Variants in ANKRD31 observed in about 807,000 individuals in gnomAD.
ANKRD31 encodes the protein ankyrin repeat domain 31.
ANKRD31 carries 147 observed loss-of-function variants against 186.0 expected under a neutral mutation model. That is an observed-to-expected ratio of 0.79 (90% CI 0.69 to 0.91). ANKRD31 has a LOEUF of 0.91. ANKRD31 is among the 40% of genes least tolerant of loss of function. ANKRD31 has a pLI of 0.00. For synonymous variants in ANKRD31, 673 were observed against 736.4 expected (o/e 0.91, Z 1.39); for missense variants, 1,986 against 2,148.8 (o/e 0.92, Z 1.50).
chr5:75,135,484 G>A (rs1368096263), intron 17 of ANKRD31, among the ~76,000 whole-genome samples: 4 of 152,226 alleles, frequency 2.6e-5, no homozygotes, highest in African/African-American at 9.6e-5. Context: ...TCTTCAAGGA[G>A]AACTACAAAC....
chr5:75,150,821 C>T (rs981424698), intron 12 of ANKRD31, among the ~76,000 whole-genome samples: 4 of 151,940 alleles, frequency 2.6e-5, no homozygotes, highest in Non-Finnish European at 5.9e-5. Flanking sequence ...TAAAAATATA[C>T]TTTTGCCTCC....
intron 17 of ANKRD31, among the ~76,000 whole-genome samples, chr5:75,126,112 C>A (rs373959148): frequency 6.6e-6 from 1 of 152,102 alleles, no homozygotes; most frequent in Non-Finnish European, 1.5e-5. Flanking sequence ...TGTGTCTGGT[C>A]TCTTTGACTT....
chr5:75,105,551 T>C (rs990051620), intron 21 of ANKRD31, among the ~76,000 whole-genome samples: 6 of 152,274 alleles, frequency 3.9e-5, no homozygotes, highest in African/African-American at 1.4e-4. Flanking sequence ...ACTTGGATCA[T>C]CTATCTAAAC....
intron 18 of ANKRD31, among the ~76,000 whole-genome samples, chr5:75,117,087 T>G (rs1478853344): frequency 6.6e-6 from 1 of 152,182 alleles, no homozygotes; most frequent in Non-Finnish European, 1.5e-5. Flanking sequence ...CTCTGTAAAG[T>G]TCTCTTGGAC....
intron 1 of ANKRD31, among the ~76,000 whole-genome samples, chr5:75,232,752 C>T (rs1446019722): frequency 1.3e-5 from 2 of 151,942 alleles, no homozygotes. Context: ...ATATGCCACC[C>T]CAAAATAAGC....
chr5:75,097,176 G>C (rs1024353775), intron 22 of ANKRD31, among the ~76,000 whole-genome samples: 5 of 152,202 alleles, frequency 3.3e-5, no homozygotes, highest in African/African-American at 1.2e-4. Flanking sequence ...CATATACCCA[G>C]TAATGGGATG....
At chr5:75,204,076 T>C (rs922210460) in intron 5 of ANKRD31, among the ~76,000 whole-genome samples, 14 of 152,198 alleles carry the variant, frequency 9.2e-5, no homozygotes, top group Admixed American at 8.5e-4. Context: ...CATGAAAACT[T>C]GAAAATTACT....
At chr5:75,210,654 G>T (rs1462625799) in intron 4 of ANKRD31, among the ~76,000 whole-genome samples, 174 bp downstream of exon 4, 3 of 151,992 alleles carry the variant, frequency 2.0e-5, no homozygotes, top group Admixed American at 2.0e-4. Flanking sequence ...TGCTTCTTAT[G>T]AAATAAAACT....
At chr5:75,178,983 C>A (rs571807864) in intron 10 of ANKRD31, among the ~76,000 whole-genome samples, 1 of 152,256 alleles carries the variant, frequency 6.6e-6, no homozygotes, top group South Asian at 2.1e-4. Context: ...TGATAGACCT[C>A]TGGCAAGACT....
chr5:75,154,809 G>A (rs1218939729), intron 11 of ANKRD31, among the ~76,000 whole-genome samples: 4 of 151,994 alleles, frequency 2.6e-5, no homozygotes, highest in South Asian at 2.1e-4. Flanking sequence ...TATGTCTTCC[G>A]TCTATACCTG....
intron 2 of ANKRD31, among the ~76,000 whole-genome samples, chr5:75,223,825 T>A (rs1190171826): frequency 6.6e-6 from 1 of 151,948 alleles, no homozygotes; most frequent in African/African-American, 2.4e-5. Context: ...TCATAATCCC[T>A]CCTGAGATTA....
intron 9 of ANKRD31, among the ~76,000 whole-genome samples, chr5:75,191,726 G>A (rs1339688672): frequency 6.6e-6 from 1 of 151,892 alleles, no homozygotes; most frequent in African/African-American, 2.4e-5. Context: ...ACATCTCACA[G>A]TAGAATTTTT....
intron 20 of ANKRD31, among the ~76,000 whole-genome samples, chr5:75,108,693 G>C (rs1487168013): frequency 1.3e-5 from 2 of 152,094 alleles, no homozygotes; most frequent in African/African-American, 4.8e-5. Context: ...TATTGAGTCA[G>C]TGTCCTCAGA....
intron 22 of ANKRD31, among the ~76,000 whole-genome samples, chr5:75,091,902 A>G (rs1001308806): frequency 1.3e-5 from 2 of 152,174 alleles, no homozygotes; most frequent in African/African-American, 2.4e-5. Context: ...ACCACGGAGA[A>G]TGCTGGGATC....
intron 20 of ANKRD31, among the ~76,000 whole-genome samples, chr5:75,108,744 T>C (rs1747534953): frequency 6.6e-6 from 1 of 152,128 alleles, no homozygotes; most frequent in African/African-American, 2.4e-5. Context: ...AGGATTAGTT[T>C]CACGACATGA....
At chr5:75,172,714 A>C (rs1293562397) in intron 10 of ANKRD31, among the ~76,000 whole-genome samples, 1 of 152,210 alleles carries the variant, frequency 6.6e-6, no homozygotes, top group East Asian at 1.9e-4. Context: ...TGAATAGACC[A>C]ATAACAGGCT....
chr5:75,201,905 A>G (rs1755847057), intron 5 of ANKRD31, among the ~76,000 whole-genome samples: 1 of 152,202 alleles, frequency 6.6e-6, no homozygotes, highest in African/African-American at 2.4e-5. Flanking sequence ...CCTTATCATC[A>G]TAACCCAGCG....
chr5:75,232,956 C>T (rs1472191970), intron 1 of ANKRD31, among the ~76,000 whole-genome samples: 2 of 152,172 alleles, frequency 1.3e-5, no homozygotes, highest in Admixed American at 6.5e-5. Flanking sequence ...TTCTTGTCTT[C>T]CTTTAGCCTC....
chr5:75,159,695 T>C (rs899856284), intron 11 of ANKRD31, among the ~76,000 whole-genome samples: 2 of 149,682 alleles, frequency 1.3e-5, no homozygotes, highest in Non-Finnish European at 3.0e-5. Flanking sequence ...ATAGAATTTA[T>C]TGGTAGAAGA....
Sources: gnomAD v4.1 joint callset for allele counts (sites outside exome capture counted in the v4.1 genomes callset) on GRCh38, gnomAD v4.1.1 for gene constraint, MANE v1.5 for transcripts, NCBI Gene and HGNC (gene_info 2026-07-23, HGNC 2026-07-21) for gene names.